Variants in RPS6KA5 observed in about 807,000 individuals in gnomAD.
RPS6KA5 encodes ribosomal protein S6 kinase alpha-5.
RPS6KA5 carries 27 observed loss-of-function variants against 85.5 expected under a neutral mutation model. That is an observed-to-expected ratio of 0.32 (90% CI 0.23 to 0.44). The LOEUF is 0.44. RPS6KA5 is among the 20% of genes least tolerant of loss of function. The probability of loss-of-function intolerance (pLI) is 1.00; values close to 1 mark genes in which losing one functional copy is unlikely to be tolerated. For synonymous variants in RPS6KA5, 334 were observed against 348.2 expected, an observed-to-expected ratio of 0.96 and a Z score of 0.46; for missense variants, 811 against 980.9, an observed-to-expected ratio of 0.83 and a Z score of 2.31.
chr14:90,875,231 C>T lies in RPS6KA5; in HGVS notation c.1966G>A (p.Val656Ile). Residue 656 changes from valine to isoleucine, a missense_variant, in exon 15 of 17, where the codon GTA becomes ATA. By Grantham distance (29) the Val-to-Ile change is conservative. Transcript: ENST00000614987. ...FSFEGEAWKN[V>I]SQEAKDLIQG... Reference sequence around the variant, plus strand: ...ATCAAATCTTTAGCCTCTTGGGATACATTCTTCCAGGCTTCTCCTTCAAAG... The same window carrying T: ...ATCAAATCTTTAGCCTCTTGGGATATATTCTTCCAGGCTTCTCCTTCAAAG... 1 of 1,613,786 alleles carries T rather than the reference C, an allele frequency of 6.2e-7. No individual in the cohort carries two copies. Among genetic ancestry groups the T allele is most frequent in the Non-Finnish European group, 8.5e-7 (1 of 1,179,802 alleles).
chr14:91,005,318 A>C (rs2040970460), intron 1 of RPS6KA5, among the ~76,000 whole-genome samples: 1 of 152,216 alleles, frequency 6.6e-6, no homozygotes, highest in African/African-American at 2.4e-5. Flanking sequence ...ATTAATCTAA[A>C]AGAGTAAAAT....
intron 1 of RPS6KA5, among the ~76,000 whole-genome samples, chr14:91,003,247 CTATATT>C (rs1446375506): frequency 1.3e-5 from 2 of 151,826 alleles, no homozygotes; most frequent in Admixed American, 1.3e-4. Context: ...TAGATTATAT[CTATATT>C]TATATTTGCT....
rs542229444 is a variant in RPS6KA5 at position 91,020,093 on chromosome 14, A to G, written c.104-18934T>C. 3.3e-5 allele frequency among the ~76,000 whole-genome samples: 5 copies of G among 152,322 alleles called. No homozygotes were observed. The South Asian group carries it at 1.0e-3, about 32-fold the overall frequency. ...CATCTAAACATAGAAAAGTTACAGT[A>G]ACAACACCGTATTATAATCTAATGG... On this transcript the variant is annotated intron_variant, in intron 1 of 16. Coordinates refer to ENST00000614987, the MANE Select transcript of RPS6KA5 (RefSeq NM_004755.4).
At chr14:90,956,612 T>G (rs2140403808) in intron 3 of RPS6KA5, among the ~76,000 whole-genome samples, 1 of 152,218 alleles carries the variant, frequency 6.6e-6, no homozygotes, top group South Asian at 2.1e-4. Flanking sequence ...CCTTTTTTTG[T>G]TAACTGAATA....
rs1450344063 is a variant in RPS6KA5 at position 90,899,345 on chromosome 14, T to C, written c.1457A>G (p.Glu486Gly). 7.5e-6 allele frequency: 12 copies of C among 1,605,934 alleles called. No homozygotes were observed. Among genetic ancestry groups the C allele is most frequent in the Non-Finnish European group, 1.0e-5 (12 of 1,175,158 alleles). ...GTAGGATACCTGATCATGAAAAACT[T>C]CATGCAACTTCACAATATTGGGGTG... ...EGHPNIVKLH[E>G]VFHDQLHTFL... Residue 486 changes from glutamate to glycine, a missense_variant, in exon 12 of 17, where the codon GAA (glutamate) becomes GGA (glycine). By Grantham distance (98) the Glu-to-Gly change is moderately conservative (BLOSUM62 -2). Coordinates refer to ENST00000614987, the MANE Select transcript of RPS6KA5 (RefSeq NM_004755.4).
intron 2 of RPS6KA5, among the ~76,000 whole-genome samples, chr14:90,993,495 CAA>C (rs1021440124): frequency 6.6e-6 from 1 of 152,140 alleles, no homozygotes; most frequent in African/African-American, 2.4e-5. Flanking sequence ...ACAACAACAA[CAA>C]GTGTCTTTTT....
chr14:90,877,459 C>T (rs377229051), intron 14 of RPS6KA5, among the ~76,000 whole-genome samples: 25 of 152,128 alleles, frequency 1.6e-4, no homozygotes, highest in African/African-American at 6.0e-4. Flanking sequence ...CCTCCACCTG[C>T]CCCCAACCTC....
At chr14:91,060,216 C>A in intron 1 of RPS6KA5, 116 bp downstream of exon 1, 1 of 960,288 alleles carries the variant, frequency 1.0e-6, no homozygotes, top group South Asian at 4.7e-5. Context: ...CCGCCCCAGG[C>A]CCGCCCCTCC....
intron 2 of RPS6KA5, among the ~76,000 whole-genome samples, chr14:90,996,552 C>A (rs1466131721): frequency 1.3e-5 from 2 of 152,020 alleles, no homozygotes; most frequent in Non-Finnish European, 2.9e-5. Context: ...AAAACATCAT[C>A]TCAGAGATAA....
chr14:90,983,790 TC>T (rs1397075614), intron 2 of RPS6KA5, among the ~76,000 whole-genome samples: 7 of 93,242 alleles, frequency 7.5e-5, no homozygotes, highest in African/African-American at 2.3e-4. Flanking sequence ...TCTTTCTTTC[TC>T]TCTCTCTCTC....
chr14:90,943,312 T>G, intron 4 of RPS6KA5, 127 bp from the exon 5 acceptor site: 4 of 579,168 alleles, frequency 6.9e-6, no homozygotes, highest in Non-Finnish European at 1.2e-5. Context: ...GATCCTGTAA[T>G]GGCTCTTGGT....
rs377347506 is a variant in RPS6KA5 at position 90,947,592 on chromosome 14, T to G, written c.395-42A>C. ...TTTTTCTTTCTTAAACATGCATTCA[T>G]AAATGAAAAGCAGTGTTTCCTTTTA... On this transcript the variant is annotated intron_variant, in intron 3 of 16. Transcript: ENST00000614987. The G allele has an allele frequency of 5.2e-6, 6 of 1,156,784 alleles. No individual in the cohort carries two copies. In the African/African-American group the frequency reaches 7.6e-5, roughly 15 times the overall value. The allele number at this position is 1,156,784 out of a possible 1,614,324, so 71.7% of individuals were successfully genotyped here.
At chr14:91,040,322 C>A (rs1005908318) in intron 1 of RPS6KA5, among the ~76,000 whole-genome samples, 2 of 152,190 alleles carry the variant, frequency 1.3e-5, no homozygotes, top group Non-Finnish European at 2.9e-5. Context: ...GCCGGAGAAT[C>A]GCTTGAACCC....
intron 3 of RPS6KA5, among the ~76,000 whole-genome samples, chr14:90,955,319 G>C (rs1202494539): frequency 6.6e-6 from 1 of 152,116 alleles, no homozygotes; most frequent in East Asian, 1.9e-4. Context: ...CCAGGCTGCA[G>C]TGCAGTGGTG....
At chr14:90,947,706 T>C (rs2037946177) in intron 3 of RPS6KA5, among the ~76,000 whole-genome samples, 156 bp from the exon 4 acceptor site, 1 of 152,242 alleles carries the variant, frequency 6.6e-6, no homozygotes, top group South Asian at 2.1e-4. Context: ...AGTTCTAGAT[T>C]CAGATAGCAA....
intron 3 of RPS6KA5, among the ~76,000 whole-genome samples, chr14:90,966,878 A>G (rs1286091): frequency 0.82 from 125,145 of 152,182 alleles, 52,062 homozygotes; most frequent in East Asian, 0.97. Context: ...AAAGCAAAAG[A>G]GAACTGGTAA....
In RPS6KA5 at chr14:90,869,994, G is replaced by A. The variant is rs563444426; in HGVS notation, c.*2080C>T. ...GCCTGTCGAATCCTCCTCAAGAAGAGGCAAGGGAAATAAATGAAAATGAAA... is the reference window on the plus strand; with the variant it reads ...GCCTGTCGAATCCTCCTCAAGAAGAAGCAAGGGAAATAAATGAAAATGAAA... On this transcript the variant is annotated 3_prime_UTR_variant, in exon 17 of 17. Coordinates refer to ENST00000614987, the MANE Select transcript of RPS6KA5 (RefSeq NM_004755.4). 3 of 152,168 alleles carry A rather than the reference G, an allele frequency of 2.0e-5. No homozygotes were observed. The South Asian group carries it at 6.2e-4, about 32-fold the overall frequency. The allele number at this position is 152,168 out of a possible 1,614,324, so 9.4% of individuals were successfully genotyped here.
At chr14:90,987,824 G>T (rs1277538850) in intron 2 of RPS6KA5, among the ~76,000 whole-genome samples, 1 of 152,164 alleles carries the variant, frequency 6.6e-6, no homozygotes, top group African/African-American at 2.4e-5. Flanking sequence ...ACTATCATAA[G>T]CAAGGCCCTC....
At chr14:90,928,146 T>C (rs77306510) in intron 5 of RPS6KA5, among the ~76,000 whole-genome samples, 21,077 of 151,732 alleles carry the variant, frequency 0.14, 1,739 homozygotes, top group East Asian at 0.32. Flanking sequence ...TCCAGGCTCC[T>C]GAGCTCAAGT....
Sources: gnomAD v4.1 joint callset for allele counts (sites outside exome capture counted in the v4.1 genomes callset) on GRCh38, gnomAD v4.1.1 for gene constraint, MANE v1.5 for transcripts, NCBI Gene and HGNC (gene_info 2026-07-23, HGNC 2026-07-21) for gene names.